Variants in LRMDA observed in about 807,000 individuals in gnomAD.
LRMDA encodes the protein leucine-rich melanocyte differentiation-associated protein.
A neutral mutation model predicts 29.8 loss-of-function variants in LRMDA; 18 were observed. That is an observed-to-expected ratio of 0.60 (90% CI 0.42 to 0.90). LRMDA has a LOEUF of 0.90. Among genes scored for constraint, LRMDA ranks in the 40% least tolerant of loss-of-function variants. LRMDA has a pLI of 0.00. For synonymous variants in LRMDA, 125 were observed against 109.4 expected, an observed-to-expected ratio of 1.14 and a Z score of -0.89; for missense variants, 273 against 273.9, an observed-to-expected ratio of 1.00 and a Z score of 0.02.
intron 2 of LRMDA, among the ~76,000 whole-genome samples, chr10:75,649,685 T>C (rs577554678): frequency 7.9e-5 from 12 of 152,356 alleles, no homozygotes; most frequent in African/African-American, 2.6e-4. Context: ...GAGGAATTGC[T>C]GGGTCATATT....
chr10:76,483,764 A>C (rs753011047), intron 6 of LRMDA, among the ~76,000 whole-genome samples: 6 of 151,676 alleles, frequency 4.0e-5, no homozygotes, highest in Non-Finnish European at 8.8e-5. Flanking sequence ...TACCATAAGA[A>C]GCATTGCTTT....
intron 2 of LRMDA, among the ~76,000 whole-genome samples, chr10:75,729,650 T>C (rs1174305734): frequency 6.6e-6 from 1 of 152,190 alleles, no homozygotes; most frequent in African/African-American, 2.4e-5. Context: ...ATGAAAATAC[T>C]AAGGTGAGGG....
At chr10:76,067,958 C>T (rs1848811552) in intron 5 of LRMDA, among the ~76,000 whole-genome samples, 1 of 152,194 alleles carries the variant, frequency 6.6e-6, no homozygotes, top group Admixed American at 6.5e-5. Context: ...ACTCTCAGGC[C>T]ATTGTGTATC....
chr10:76,495,765 G>A (rs868698542), intron 6 of LRMDA, among the ~76,000 whole-genome samples: 25 of 151,680 alleles, frequency 1.6e-4, no homozygotes, highest in East Asian at 1.9e-4. Flanking sequence ...ATGTATTTGG[G>A]TAATTGTAAA....
At chr10:75,681,565 C>T (rs1842023047) in intron 2 of LRMDA, among the ~76,000 whole-genome samples, 1 of 152,168 alleles carries the variant, frequency 6.6e-6, no homozygotes, top group Admixed American at 6.5e-5. Flanking sequence ...CAGGCTGACC[C>T]TTCAGGGACA....
At chr10:75,923,321 A>G (rs1207624830) in intron 2 of LRMDA, among the ~76,000 whole-genome samples, 1 of 152,220 alleles carries the variant, frequency 6.6e-6, no homozygotes, top group South Asian at 2.1e-4. Context: ...GTTATAGTCA[A>G]TGAAGTCAAT....
chr10:75,524,426 A>AATTTAGGGTCTTGGTGATG (rs1333174808), intron 2 of LRMDA, among the ~76,000 whole-genome samples: 6 of 151,968 alleles, frequency 3.9e-5, no homozygotes, highest in African/African-American at 9.7e-5. Flanking sequence ...ATAAACCTGT[A>AATTTAGGGTCTTGGTGATG]ATTTAGGGTC....
intron 2 of LRMDA, among the ~76,000 whole-genome samples, chr10:75,721,571 T>C (rs1842567785): frequency 6.6e-6 from 1 of 152,196 alleles, no homozygotes; most frequent in Admixed American, 6.5e-5. Flanking sequence ...TTAGGGATTC[T>C]GGGTGAATTC....
intron 2 of LRMDA, among the ~76,000 whole-genome samples, chr10:76,000,304 C>T (rs548690548): frequency 9.2e-5 from 14 of 152,254 alleles, no homozygotes; most frequent in Non-Finnish European, 1.3e-4. Flanking sequence ...AATTAGGGAA[C>T]GTGTGAAATC....
At chr10:76,360,886 T>A (rs1169730631) in intron 6 of LRMDA, among the ~76,000 whole-genome samples, 3 of 152,332 alleles carry the variant, frequency 2.0e-5, no homozygotes, top group Admixed American at 6.5e-5. Context: ...AATTTCTTAT[T>A]GCTTAAATAA....
intron 6 of LRMDA, among the ~76,000 whole-genome samples, chr10:76,491,073 T>C (rs987384895): frequency 4.6e-5 from 7 of 151,858 alleles, no homozygotes; most frequent in African/African-American, 1.7e-4. Context: ...GCACATTAAC[T>C]TTTTCCTCCT....
intron 2 of LRMDA, among the ~76,000 whole-genome samples, chr10:75,728,426 CTGTGTGTGTGTG>C (rs34902461): frequency 1.4e-3 from 188 of 138,290 alleles, no homozygotes; most frequent in African/African-American, 4.5e-3. Flanking sequence ...ATACGTGGCT[CTGTGTGTGTGTG>C]TGTGTGTGTG....
At chr10:75,989,934 TC>T (rs1305403606) in intron 2 of LRMDA, among the ~76,000 whole-genome samples, 2 of 151,578 alleles carry the variant, frequency 1.3e-5, no homozygotes, top group Non-Finnish European at 1.5e-5. Flanking sequence ...CATGGTGAAA[TC>T]CCCCCCGCTC....
At position 76,162,851 on chromosome 10, in the gene LRMDA, G is replaced by A. The variant is rs118039565; in HGVS notation, c.516+104068G>A. Among the ~76,000 whole-genome samples, 375 of 152,184 alleles carry A rather than the reference G, an allele frequency of 2.5e-3. 10 individuals carry two copies. The East Asian group carries it at 0.033, about 13-fold the overall frequency. On this transcript the variant is annotated intron_variant, in intron 5 of 6. Transcript: ENST00000611255. The stretch of plus-strand genomic sequence containing the variant: ...AGGTGATCACTACCTACCTTGTTGT[G>A]TTGTTATGATGATTATAGATAATGG...
intron 2 of LRMDA, among the ~76,000 whole-genome samples, chr10:75,959,742 T>C (rs73281418): frequency 0.041 from 6,260 of 152,316 alleles, 363 homozygotes; most frequent in East Asian, 0.14. Flanking sequence ...TTTGCTTATC[T>C]ATGTGAATGA....
At chr10:76,008,021 T>C (rs965993908) in intron 2 of LRMDA, among the ~76,000 whole-genome samples, 1 of 152,054 alleles carries the variant, frequency 6.6e-6, no homozygotes, top group South Asian at 2.1e-4. Context: ...CATCTGAAAA[T>C]CAATTTTAAG....
chr10:76,504,281 C>T (rs1364532498), intron 6 of LRMDA, among the ~76,000 whole-genome samples: 1 of 151,902 alleles, frequency 6.6e-6, no homozygotes, highest in African/African-American at 2.4e-5. Flanking sequence ...GTTCCATGTG[C>T]AGATGAGAAG....
intron 5 of LRMDA, among the ~76,000 whole-genome samples, chr10:76,188,411 C>T (rs954675415): frequency 1.3e-5 from 2 of 152,206 alleles, no homozygotes; most frequent in African/African-American, 4.8e-5. Context: ...AAAAACACCA[C>T]CCAAAGACAT....
intron 5 of LRMDA, among the ~76,000 whole-genome samples, chr10:76,162,407 A>G (rs1265368046): frequency 6.6e-6 from 1 of 152,176 alleles, no homozygotes; most frequent in African/African-American, 2.4e-5. Context: ...CAATTCTCGC[A>G]TTGCTACAGA....
Sources: allele counts gnomAD v4.1 joint callset (sites outside exome capture counted in the v4.1 genomes callset), GRCh38; gene constraint gnomAD v4.1.1; transcripts MANE v1.5; gene names NCBI Gene and HGNC (gene_info 2026-07-23, HGNC 2026-07-21).